SUCLG1: variants seen among roughly 807,000 people sequenced by gnomAD.
The protein encoded by SUCLG1 is succinate-CoA ligase GDP/ADP-forming subunit alpha.
A neutral mutation model predicts 37.3 loss-of-function variants in SUCLG1; 26 were observed. The ratio of observed to expected loss-of-function variants is 0.70; its 90% confidence interval spans 0.51 to 0.97. The LOEUF is 0.97. SUCLG1 is among the 50% of genes least tolerant of loss of function. SUCLG1 has a pLI of 0.00. For missense variants in SUCLG1, 433 were observed against 432.9 expected, an observed-to-expected ratio of 1.00 and a Z score of 0.00; for synonymous variants, 163 against 155.6, an observed-to-expected ratio of 1.05 and a Z score of -0.36.
intron 6 of SUCLG1, 77 bp downstream of exon 6, chr2:84,433,275 A>C (rs764130621): frequency 8.1e-7 from 1 of 1,235,194 alleles, no homozygotes; most frequent in Non-Finnish European, 1.2e-6. Flanking sequence ...GCAAATAATA[A>C]AATCAATAAT....
chr2:84,431,722 A>C (rs1672617056), intron 6 of SUCLG1, 63 bp from the exon 7 acceptor site: 1 of 1,571,156 alleles, frequency 6.4e-7, no homozygotes, highest in Admixed American at 1.7e-5. Flanking sequence ...ATTTAGGTCA[A>C]TAAATGTTTT....
chr2:84,429,796 G>A (rs908341798), intron 7 of SUCLG1, among the ~76,000 whole-genome samples: 2 of 152,170 alleles, frequency 1.3e-5, no homozygotes, highest in African/African-American at 4.8e-5. Flanking sequence ...TTTCAGAAGG[G>A]CAGATAATTT....
In SUCLG1 at chr2:84,441,045, A is replaced by G. The variant is rs1247042834; in HGVS notation, c.589+2T>C. ...CTATAAGAATGTAACAAACAAACTC[A>G]CCAATCCTTCCTTTTTTGTGAATAT... On this transcript the variant is annotated splice_donor_variant, in intron 5 of 8. Coordinates refer to ENST00000393868, the MANE Select transcript of SUCLG1 (RefSeq NM_003849.4). LOFTEE classifies it high-confidence loss of function. 1 of 1,613,816 alleles carries G rather than the reference A, an allele frequency of 6.2e-7. No individual in the cohort carries two copies. The highest frequency in any genetic ancestry group is 8.5e-7 in the Non-Finnish European group (1 of 1,179,838).
chr2:84,445,021 A>G (rs1185663358), intron 2 of SUCLG1, among the ~76,000 whole-genome samples: 1 of 152,172 alleles, frequency 6.6e-6, no homozygotes, highest in East Asian at 1.9e-4. Context: ...AGTTAATGCA[A>G]TCATCACAGG....
intron 5 of SUCLG1, among the ~76,000 whole-genome samples, chr2:84,435,655 G>C (rs770420866): frequency 1.8e-4 from 27 of 152,208 alleles, no homozygotes; most frequent in Non-Finnish European, 1.8e-4. Context: ...AGACATGCGA[G>C]GTGTATACTA....
At position 84,423,607 on chromosome 2, in the gene SUCLG1, C is replaced by T; in HGVS notation, c.*139G>A. 1.2e-6 allele frequency: 1 copy of T among 804,456 alleles called. No homozygotes were observed. Among genetic ancestry groups the T allele is most frequent in the Admixed American group, 2.0e-5 (1 of 48,890 alleles). The allele number at this position is 804,456 out of a possible 1,614,324, so 49.8% of individuals were successfully genotyped here. On this transcript the variant is annotated 3_prime_UTR_variant, in exon 9 of 9. Coordinates refer to ENST00000393868, the MANE Select transcript of SUCLG1 (RefSeq NM_003849.4). ...CATCTTAATTCAGGACATCTTCCAC[C>T]TTGTTTTGGCTTCCAGTTGTACTGC... is the stretch of plus-strand genomic sequence containing the variant.
chr2:84,440,306 G>T (rs1461680497), intron 5 of SUCLG1, among the ~76,000 whole-genome samples: 1 of 152,194 alleles, frequency 6.6e-6, no homozygotes, highest in Non-Finnish European at 1.5e-5. Flanking sequence ...CTGGGAGGCG[G>T]AGGTGGGGGT....
chr2:84,435,466 A>G (rs1369455359), intron 5 of SUCLG1, among the ~76,000 whole-genome samples: 1 of 152,234 alleles, frequency 6.6e-6, no homozygotes, highest in Admixed American at 6.5e-5. Flanking sequence ...TAATGTTACC[A>G]TAAGACACGT....
chr2:84,440,777 T>A (rs575030795), intron 5 of SUCLG1, among the ~76,000 whole-genome samples: 1 of 152,072 alleles, frequency 6.6e-6, no homozygotes, highest in African/African-American at 2.4e-5. Flanking sequence ...TGCAAACACA[T>A]GGAGTAATCC....
intron 7 of SUCLG1, among the ~76,000 whole-genome samples, chr2:84,427,486 T>C (rs1672551423): frequency 6.6e-6 from 1 of 152,232 alleles, no homozygotes; most frequent in South Asian, 2.1e-4. Flanking sequence ...ATCTTCCAAA[T>C]GCTGACATGT....
intron 1 of SUCLG1, among the ~76,000 whole-genome samples, chr2:84,452,125 A>G (rs1270274497): frequency 6.6e-6 from 1 of 152,030 alleles, no homozygotes; most frequent in African/African-American, 2.4e-5. Flanking sequence ...ATAATTCACA[A>G]TCTATCTGAA....
chr2:84,452,359 C>G (rs1353089286), intron 1 of SUCLG1, among the ~76,000 whole-genome samples: 1 of 152,158 alleles, frequency 6.6e-6, no homozygotes, highest in Non-Finnish European at 1.5e-5. Context: ...GTGGCCAAAC[C>G]ATCTTGCAAA....
At chr2:84,439,188 T>TA (rs1558611181) in intron 5 of SUCLG1, among the ~76,000 whole-genome samples, 13 of 150,162 alleles carry the variant, frequency 8.7e-5, no homozygotes, top group South Asian at 2.1e-4. Flanking sequence ...CTTCTTTTTT[T>TA]TAAAAAAAAA....
rs376798641 is a variant in SUCLG1, at chr2:84,448,296, C to T, written c.201+1353G>A. ...TTTTGTAAATTAAGTTTTATTGGAA[C>T]GCACCCAGGCCCATTCATTGACAAT... On this transcript the variant is annotated intron_variant, in intron 2 of 8. Coordinates refer to ENST00000393868, the MANE Select transcript of SUCLG1 (RefSeq NM_003849.4). Among the ~76,000 whole-genome samples the T allele has an allele frequency of 1.0e-3, 154 of 151,832 alleles. 1 individual carries two copies. Among genetic ancestry groups the T allele is most frequent in the Middle Eastern group, 3.4e-3 (1 of 290 alleles).
intron 3 of SUCLG1, among the ~76,000 whole-genome samples, chr2:84,442,768 T>G (rs1314867648): frequency 6.6e-6 from 1 of 152,204 alleles, no homozygotes; most frequent in Admixed American, 6.5e-5. Flanking sequence ...TTTAGTTTCT[T>G]CACACGGGAC....
chr2:84,455,764 A>C (rs1032981339), intron 1 of SUCLG1, among the ~76,000 whole-genome samples: 1 of 149,134 alleles, frequency 6.7e-6, no homozygotes. Flanking sequence ...TGAACCTGGG[A>C]GGCGGAGCTT....
At chr2:84,453,512 TCAAG>T (rs1314441367) in intron 1 of SUCLG1, among the ~76,000 whole-genome samples, 4 of 152,158 alleles carry the variant, frequency 2.6e-5, no homozygotes, top group Non-Finnish European at 5.9e-5. Flanking sequence ...CCTCTCGGGT[TCAAG>T]CAATTCTCCT....
At chr2:84,434,336 A>C (rs1026234032) in intron 5 of SUCLG1, among the ~76,000 whole-genome samples, 2 of 152,220 alleles carry the variant, frequency 1.3e-5, no homozygotes, top group African/African-American at 2.4e-5. Context: ...CTTTAAAATC[A>C]ATATAAAGAA....
At chr2:84,452,422 C>T (rs1672954954) in intron 1 of SUCLG1, among the ~76,000 whole-genome samples, 1 of 152,172 alleles carries the variant, frequency 6.6e-6, no homozygotes, top group Non-Finnish European at 1.5e-5. Flanking sequence ...CTGAGAATTT[C>T]ACTTACATTG....
Sources: gnomAD v4.1 joint callset for allele counts (sites outside exome capture counted in the v4.1 genomes callset) on GRCh38, gnomAD v4.1.1 for gene constraint, MANE v1.5 for transcripts, NCBI Gene and HGNC (gene_info 2026-07-23, HGNC 2026-07-21) for gene names.